The following HEATR1 variants were observed in gnomAD, a reference collection of about 807,000 sequenced individuals.
HEATR1 encodes HEAT repeat-containing protein 1.
In HEATR1, 77 loss-of-function variants were observed where a neutral mutation model predicts 248.2. The ratio of observed to expected loss-of-function variants is 0.31; its 90% CI spans 0.26 to 0.37. The LOEUF (loss-of-function observed/expected upper bound fraction) is 0.37. Ranked by LOEUF, HEATR1 falls within the 10% of genes least tolerant of loss-of-function variation. The probability of loss-of-function intolerance (pLI) is 1.00; values close to 1 mark genes in which losing one functional copy is unlikely to be tolerated. For synonymous variants in HEATR1, 897 were observed against 923.1 expected, an observed-to-expected ratio of 0.97 and a Z score of 0.51; for missense variants, 2,420 against 2,504.9, an observed-to-expected ratio of 0.97 and a Z score of 0.72.
intron 25 of HEATR1, 77 bp downstream of exon 25, chr1:236,572,648 T>G: frequency 6.3e-7 from 1 of 1,596,024 alleles, no homozygotes; most frequent in Non-Finnish European, 8.6e-7. Context: ...TTGATGAGTA[T>G]CAAAAAGTTC....
chr1:236,550,899 G>T lies in HEATR1; in HGVS notation c.*3C>A, dbSNP rs777875940. The T allele has an allele frequency of 1.1e-5, 18 of 1,589,416 alleles. No individual in the cohort carries two copies. The highest frequency in any genetic ancestry group is 1.5e-5 in the Non-Finnish European group (17 of 1,170,280). On this transcript the variant is annotated 3_prime_UTR_variant, in exon 45 of 45. Transcript: ENST00000366582. ...AGTAGAGTATGAAACACCACAGAAA[G>T]TCTTAGAAATAGCTCTGGAGTGGCT... is the stretch of plus-strand genomic sequence containing the variant.
Position 236,553,744 on chromosome 1 carries a change from G to T in HEATR1, c.6079-5C>A. The T allele has an allele frequency of 1.2e-6, 2 of 1,610,028 alleles. No individual in the cohort carries two copies. Among genetic ancestry groups the T allele is most frequent in the Non-Finnish European group, 1.7e-6 (2 of 1,178,104 alleles). ...TCCCCCAAGCCTGTTTTCCAGCTAG[G>T]AAGAGTAAGACAAAGACTTTGAACA... On this transcript the variant is annotated splice_polypyrimidine_tract_variant and splice_region_variant and intron_variant, in intron 42 of 44. Coordinates refer to ENST00000366582, the MANE Select transcript of HEATR1 (RefSeq NM_018072.6).
At chr1:236,594,378 A>G (rs903353871) in intron 8 of HEATR1, among the ~76,000 whole-genome samples, 1 of 152,226 alleles carries the variant, frequency 6.6e-6, no homozygotes, top group Non-Finnish European at 1.5e-5. Flanking sequence ...ATAACAAAAC[A>G]AAAGTCCAAA....
intron 32 of HEATR1, among the ~76,000 whole-genome samples, chr1:236,562,034 T>A (rs1663144757): frequency 6.6e-6 from 1 of 152,214 alleles, no homozygotes; most frequent in African/African-American, 2.4e-5. Flanking sequence ...AATTGCTTTC[T>A]AAAGTGGTTG....
intron 3 of HEATR1, among the ~76,000 whole-genome samples, chr1:236,601,676 A>C (rs1664328096): frequency 1.1e-5 from 1 of 88,394 alleles, no homozygotes. Context: ...AAACAAACAA[A>C]CAAAAAAAAA....
chr1:236,580,294 GTT>G (rs1030789820), intron 20 of HEATR1, among the ~76,000 whole-genome samples: 12 of 152,150 alleles, frequency 7.9e-5, no homozygotes, highest in African/African-American at 2.4e-4. Context: ...ATGCAGGAGG[GTT>G]TTGTTTTTGT....
At chr1:236,578,982 A>T (rs1388804796) in intron 20 of HEATR1, among the ~76,000 whole-genome samples, 1 of 152,232 alleles carries the variant, frequency 6.6e-6, no homozygotes. Flanking sequence ...TATCTACTGC[A>T]GCAAACTACG....
In HEATR1 at chr1:236,555,902, T is replaced by C; in HGVS notation, c.5552A>G (p.His1851Arg). 1.2e-6 allele frequency: 2 copies of C among 1,613,698 alleles called. No homozygotes were observed. The highest frequency in any genetic ancestry group is 1.6e-4 in the Middle Eastern group (1 of 6,062). ...MGPFMSILQE[H>R]IGVMKKEELT... ...CTCTTCCTTCTTCATCACCCCAATATGCTCTTGCAAGATGCTCATAAACGG... is the reference window on the plus strand; with the variant it reads ...CTCTTCCTTCTTCATCACCCCAATACGCTCTTGCAAGATGCTCATAAACGG... Residue 1851 changes from histidine (H) to arginine (R), a missense_variant, in exon 39 of 45, where the codon CAT becomes CGT. Physicochemically the swap from His to Arg is conservative, Grantham distance 29. Transcript: ENST00000366582.
chr1:236,590,102 T>C (rs1288840782), intron 12 of HEATR1, among the ~76,000 whole-genome samples: 2 of 152,202 alleles, frequency 1.3e-5, no homozygotes, highest in Admixed American at 6.5e-5. Flanking sequence ...TCAATACATA[T>C]TTGAAACCAC....
In HEATR1 at chr1:236,585,036, T is replaced by A. The variant is rs577915974; in HGVS notation, c.2230A>T (p.Ile744Phe). 4.3e-6 allele frequency: 7 copies of A among 1,612,872 alleles called. No individual in the cohort carries two copies. In the South Asian group the frequency reaches 7.7e-5, roughly 18 times the overall value. The stretch of plus-strand genomic sequence containing the variant: ...TCTGCTTTCCTTACCACTGCAGTAA[T>A]GACACTTTCAAGCTTCTTTATTTTT... ...QKKIKKLESV[I>F]TAVEIPSEWH... Residue 744 changes from isoleucine to phenylalanine, a missense_variant, in exon 17 of 45, where the codon ATT becomes TTT. Transcript: ENST00000366582.
At chr1:236,554,192 G>C (rs1466735719) in intron 42 of HEATR1, among the ~76,000 whole-genome samples, 2 of 152,210 alleles carry the variant, frequency 1.3e-5, no homozygotes, top group South Asian at 2.1e-4. Context: ...AGGAGTTCGA[G>C]ACCAGCCTGG....
chr1:236,603,465 A>C (rs1443728633), intron 2 of HEATR1, 89 bp from the exon 3 acceptor site: 1 of 982,386 alleles, frequency 1.0e-6, no homozygotes, highest in Non-Finnish European at 1.6e-6. Context: ...TACCCCTAAG[A>C]AGTTTCTGAA....
At chr1:236,557,614 C>CTT (rs1199544928) in intron 36 of HEATR1, among the ~76,000 whole-genome samples, 1 of 152,230 alleles carries the variant, frequency 6.6e-6, no homozygotes, top group Non-Finnish European at 1.5e-5. Context: ...TGCAAAACTC[C>CTT]TTGCAAGCAC....
intron 1 of HEATR1, 115 bp downstream of exon 1, chr1:236,604,307 G>A (rs1026659360): frequency 8.6e-6 from 4 of 462,584 alleles, no homozygotes; most frequent in African/African-American, 8.2e-5. Context: ...CAGTAGCGGC[G>A]ACCGCGCCAA....
At position 236,599,567 on chromosome 1, in the gene HEATR1, G is replaced by A. The variant is rs1417073881; in HGVS notation, c.417C>T (p.His139=). 3.1e-6 allele frequency: 5 copies of A among 1,613,346 alleles called. No homozygotes were observed. The highest frequency in any genetic ancestry group is 1.6e-4 in the Middle Eastern group (1 of 6,080). The change falls in exon 4 of 45, where the codon CAC becomes CAT. Residue 139 remains histidine, a synonymous_variant. Transcript: ENST00000366582. ...TGACTCGCACAAATATTCTTGTCTC[G>A]TGGTATGGCAGAACACAAGCAATGA... ...DSLIACVLPY[H]ETRIFVRVIQ... is the part of the protein sequence containing the mutation.
chr1:236,592,153 T>G (rs747121165), intron 10 of HEATR1, 43 bp from the exon 11 acceptor site: 22 of 1,024,350 alleles, frequency 2.1e-5, no homozygotes, highest in Admixed American at 1.5e-4. Flanking sequence ...CTTAATAAAT[T>G]TATTAATCTC....
chr1:236,551,497 T>C (rs1332152231), intron 44 of HEATR1: 3 of 158,774 alleles, frequency 1.9e-5, no homozygotes, highest in Admixed American at 1.9e-4. Flanking sequence ...AAGCCTCTAG[T>C]TTCTTCCTTT....
At position 236,588,046 on chromosome 1, in the gene HEATR1, G is replaced by A. The variant is rs763148241; in HGVS notation, c.1531-3C>T. 6.9e-6 allele frequency: 11 copies of A among 1,603,346 alleles called. No homozygotes were observed. The Admixed American group carries it at 1.2e-4, about 17-fold the overall frequency. On this transcript the variant is annotated splice_polypyrimidine_tract_variant and splice_region_variant and intron_variant, in intron 12 of 44. Coordinates refer to ENST00000366582, the MANE Select transcript of HEATR1 (RefSeq NM_018072.6). The stretch of plus-strand genomic sequence containing the variant: ...ATGAAAGATTCATCAACACCCTCCT[G>A]AGCAATAAAAGAAAAACATTAATTT...
intron 18 of HEATR1, 67 bp from the exon 19 acceptor site, chr1:236,582,939 A>C: frequency 6.2e-7 from 1 of 1,605,890 alleles, no homozygotes; most frequent in Non-Finnish European, 8.5e-7. Flanking sequence ...TTTTTATTCA[A>C]GACAGTCATT....
Sources: gnomAD v4.1 joint callset for allele counts (sites outside exome capture counted in the v4.1 genomes callset) on GRCh38, gnomAD v4.1.1 for gene constraint, MANE v1.5 for transcripts, NCBI Gene and HGNC (gene_info 2026-07-23, HGNC 2026-07-21) for gene names.